Variants in RPS6KA2 observed in about 807,000 individuals in gnomAD.
RPS6KA2 encodes the protein ribosomal protein S6 kinase A2, also known as ribosomal protein S6 kinase alpha-2.
In RPS6KA2, 42 loss-of-function variants were observed where a neutral mutation model predicts 91.8. The observed-to-expected ratio is 0.46, with a 90% confidence interval of 0.36 to 0.59. The LOEUF is 0.59. Ranked by LOEUF, RPS6KA2 falls within the 20% of genes least tolerant of loss-of-function variation. The pLI, the probability that RPS6KA2 is intolerant of heterozygous loss-of-function variation, is 0.00. For missense variants in RPS6KA2, 798 were observed against 978.5 expected, an observed-to-expected ratio of 0.82 and a Z score of 2.46; for synonymous variants, 414 against 393.6, an observed-to-expected ratio of 1.05 and a Z score of -0.61.
At chr6:166,856,501 G>A (rs1780907940) in intron 2 of RPS6KA2, among the ~76,000 whole-genome samples, 1 of 152,204 alleles carries the variant, frequency 6.6e-6, no homozygotes, top group Non-Finnish European at 1.5e-5. Flanking sequence ...CAGCCTGAAT[G>A]CAGCAGGACA....
chr6:166,473,687 G>T (rs1355041902), intron 10 of RPS6KA2, among the ~76,000 whole-genome samples: 1 of 152,084 alleles, frequency 6.6e-6, no homozygotes, highest in Non-Finnish European at 1.5e-5. Context: ...CATGGTTTGG[G>T]ACTCCTTTGC....
chr6:166,857,727 C>G (rs1780942401), intron 2 of RPS6KA2, among the ~76,000 whole-genome samples: 1 of 152,190 alleles, frequency 6.6e-6, no homozygotes, highest in Non-Finnish European at 1.5e-5. Flanking sequence ...CCCTGGGACT[C>G]CTCTCCGTCC....
chr6:166,472,806 A>G (rs1312380152), intron 10 of RPS6KA2, among the ~76,000 whole-genome samples: 1 of 152,178 alleles, frequency 6.6e-6, no homozygotes, highest in African/African-American at 2.4e-5. Flanking sequence ...ACACGCACTG[A>G]AGGCCTTCCT....
At chr6:166,812,011 A>T (rs925443759) in intron 2 of RPS6KA2, among the ~76,000 whole-genome samples, 5 of 152,290 alleles carry the variant, frequency 3.3e-5, no homozygotes, top group Non-Finnish European at 7.4e-5. Context: ...AGTCCGGGGA[A>T]CTTCTTGTGA....
At chr6:166,673,506 C>T (rs113751246) in intron 2 of RPS6KA2, among the ~76,000 whole-genome samples, 46 of 152,280 alleles carry the variant, frequency 3.0e-4, no homozygotes, top group African/African-American at 9.4e-4. Flanking sequence ...CACAGCCCTA[C>T]GGACTCCCAG....
chr6:166,795,235 T>TA (rs1244316586), intron 2 of RPS6KA2, among the ~76,000 whole-genome samples: 1 of 152,224 alleles, frequency 6.6e-6, no homozygotes, highest in African/African-American at 2.4e-5. Flanking sequence ...CCATTTGTGA[T>TA]ATATGGAGGC....
chr6:166,504,029 C>T (rs149062308), intron 6 of RPS6KA2, among the ~76,000 whole-genome samples: 22 of 152,290 alleles, frequency 1.4e-4, no homozygotes, highest in Middle Eastern at 3.4e-3. Flanking sequence ...GACCACATTC[C>T]TGGGACTTGC....
At chr6:166,805,274 C>A (rs2178806) in intron 2 of RPS6KA2, among the ~76,000 whole-genome samples, 1 of 152,000 alleles carries the variant, frequency 6.6e-6, no homozygotes, top group Non-Finnish European at 1.5e-5. Context: ...AAGAGAATAC[C>A]GTCCTCCAAT....
At chr6:166,705,479 A>C (rs1789655958) in intron 2 of RPS6KA2, among the ~76,000 whole-genome samples, 1 of 152,250 alleles carries the variant, frequency 6.6e-6, no homozygotes, top group Non-Finnish European at 1.5e-5. Flanking sequence ...TAAAGGCTAC[A>C]TTACAAAAAC....
chr6:166,518,112 C>G (rs959220126), intron 3 of RPS6KA2, among the ~76,000 whole-genome samples: 23 of 151,892 alleles, frequency 1.5e-4, no homozygotes, highest in African/African-American at 5.6e-4. Context: ...ATGGTAAAAC[C>G]CTGTCTCTAC....
rs533813732 is a variant in RPS6KA2, at chr6:166,742,564, C to A, written c.123+115636G>T. Among the ~76,000 whole-genome samples, 30 of 152,304 alleles carry A rather than the reference C, an allele frequency of 2.0e-4. No individual in the cohort carries two copies. The East Asian group carries it at 3.3e-3, about 17-fold the overall frequency. On this transcript the variant is annotated intron_variant, in intron 2 of 21. Transcript: ENST00000503859. Reference sequence around the variant, plus strand: ...CGAGGAGCTGTGGCAGCTCTCCCTGCGGTGGCCACGGGAGGGGAGGACGGC... The same window carrying A: ...CGAGGAGCTGTGGCAGCTCTCCCTGAGGTGGCCACGGGAGGGGAGGACGGC...
At chr6:166,529,073 A>G (rs1360151315) in intron 3 of RPS6KA2, among the ~76,000 whole-genome samples, 2 of 152,238 alleles carry the variant, frequency 1.3e-5, no homozygotes, top group African/African-American at 2.4e-5. Flanking sequence ...ATTACTGGGT[A>G]TATACCCAAA....
chr6:166,782,921 C>G (rs1020111472), intron 2 of RPS6KA2, among the ~76,000 whole-genome samples: 2 of 141,660 alleles, frequency 1.4e-5, no homozygotes, highest in Non-Finnish European at 3.0e-5. Context: ...CCAGGCTTGT[C>G]TAATCTCTCT....
chr6:166,820,488 G>C (rs1407864208), intron 2 of RPS6KA2, among the ~76,000 whole-genome samples: 1 of 152,140 alleles, frequency 6.6e-6, no homozygotes, highest in African/African-American at 2.4e-5. Context: ...GTTGTCTTGG[G>C]AATATAAAGG....
At position 166,596,739 on chromosome 6, in the gene RPS6KA2, A is replaced by C. The variant is rs1785547222; in HGVS notation, c.99+30182T>G. 2.6e-5 allele frequency among the ~76,000 whole-genome samples: 4 copies of C among 152,318 alleles called. 1 individual carries two copies. The South Asian group carries it at 8.3e-4, about 32-fold the overall frequency. ...ATGGTGTGAGTCAATTCTCCTTAAT[A>C]AACTCCCTTTCACATATACATCTAT... On this transcript the variant is annotated intron_variant, in intron 1 of 20. Coordinates refer to ENST00000265678, the MANE Select transcript of RPS6KA2 (RefSeq NM_021135.6).
intron 1 of RPS6KA2, among the ~76,000 whole-genome samples, chr6:166,553,418 C>T (rs1784077151): frequency 6.6e-6 from 1 of 151,792 alleles, no homozygotes; most frequent in Admixed American, 6.6e-5. Flanking sequence ...GCCACCATGC[C>T]CAGCCTCCAC....
rs1428693320 is a variant in RPS6KA2, at chr6:166,554,051, C to T, written c.100-15267G>A. On this transcript the variant is annotated intron_variant, in intron 1 of 20. Coordinates refer to ENST00000265678, the MANE Select transcript of RPS6KA2 (RefSeq NM_021135.6). The surrounding 1 kb of genome is among the most constrained non-coding windows in gnomAD (Gnocchi z 4.3). ...CAGTGGCTGGAAACTGCACCAAACC[C>T]TGTGTGTGTATCTGTCTATCTGTCT... Among the ~76,000 whole-genome samples, 1 of 152,164 alleles carries T rather than the reference C, an allele frequency of 6.6e-6. No individual in the cohort carries two copies. The highest frequency in any genetic ancestry group is 1.5e-5 in the Non-Finnish European group (1 of 68,030).
intron 2 of RPS6KA2, among the ~76,000 whole-genome samples, chr6:166,768,042 T>C (rs753605416): frequency 2.6e-5 from 4 of 152,190 alleles, no homozygotes; most frequent in East Asian, 1.9e-4. Context: ...TGAGAAACAA[T>C]TACTTTTTCT....
intron 2 of RPS6KA2, among the ~76,000 whole-genome samples, chr6:166,812,658 C>T (rs186823058): frequency 6.6e-6 from 1 of 152,258 alleles, no homozygotes; most frequent in East Asian, 1.9e-4. Flanking sequence ...GGAACCTGAC[C>T]CTCTTCCCTG....
Sources: allele counts gnomAD v4.1 joint callset (sites outside exome capture counted in the v4.1 genomes callset), GRCh38; gene constraint gnomAD v4.1.1; non-coding constraint Gnocchi (gnomAD v3.1); transcripts MANE v1.5; gene names NCBI Gene and HGNC (gene_info 2026-07-23, HGNC 2026-07-21).